SLC22A9: variants seen among roughly 807,000 people sequenced by gnomAD.
SLC22A9 encodes the protein solute carrier family 22 member 9, also known as organic anion transporter 7.
SLC22A9 carries 64 observed loss-of-function variants against 50.1 expected under a neutral mutation model. The observed-to-expected ratio is 1.28, with a 90% CI of 1.04 to 1.57. The LOEUF (loss-of-function observed/expected upper bound fraction) is 1.57, where lower values mean the gene tolerates loss of function less well. Among genes scored for constraint, SLC22A9 ranks in the 40% most tolerant of loss-of-function variants. The pLI, the probability that SLC22A9 is intolerant of heterozygous loss-of-function variation, is 0.00. For missense variants in SLC22A9, 757 were observed against 676.1 expected, an observed-to-expected ratio of 1.12 and a Z score of -1.33; for synonymous variants, 261 against 242.5, an observed-to-expected ratio of 1.08 and a Z score of -0.71.
At chr11:63,386,540 G>A (rs1174258528) in intron 6 of SLC22A9, among the ~76,000 whole-genome samples, 1 of 131,758 alleles carries the variant, frequency 7.6e-6, no homozygotes, top group African/African-American at 2.9e-5. Flanking sequence ...CTTCTTCCTG[G>A]TTCAGTCTTA....
At chr11:63,375,433 A>C (rs1195053001) in intron 4 of SLC22A9, among the ~76,000 whole-genome samples, 1 of 152,180 alleles carries the variant, frequency 6.6e-6, no homozygotes, top group Non-Finnish European at 1.5e-5. Context: ...TATGATTCCA[A>C]GTCTGCATTC....
Position 63,370,347 on chromosome 11 carries a change from G to C in SLC22A9, c.291G>C (p.Gln97His), listed in dbSNP as rs374893188. 30 of 1,613,872 alleles carry C rather than the reference G, an allele frequency of 1.9e-5. No individual in the cohort carries two copies. Among genetic ancestry groups the C allele is most frequent in the Non-Finnish European group, 2.4e-5 (28 of 1,179,896 alleles). The change falls in exon 1 of 10, where the codon CAG becomes CAC. Residue 97 changes from glutamine (Q) to histidine (H), a missense_variant. Gln to His is a conservative substitution (Grantham distance 24). Coordinates refer to ENST00000279178, the MANE Select transcript of SLC22A9 (RefSeq NM_080866.3). ...KCRRFVHPQW[Q>H]LLHLNGTFPN... is the part of the protein sequence containing the mutation. Reference sequence around the variant, plus strand: ...GTCGCTTTGTTCATCCTCAGTGGCAGCTCCTTCACCTGAATGGGACCTTCC... The same window carrying C: ...GTCGCTTTGTTCATCCTCAGTGGCACCTCCTTCACCTGAATGGGACCTTCC...
chr11:63,396,531 A>T (rs1591024631), intron 6 of SLC22A9, among the ~76,000 whole-genome samples: 2 of 152,144 alleles, frequency 1.3e-5, no homozygotes, highest in South Asian at 4.2e-4. Flanking sequence ...TTGGGCACTC[A>T]TCGTATTTGG....
intron 6 of SLC22A9, among the ~76,000 whole-genome samples, chr11:63,396,015 C>T (rs532421228): frequency 7.8e-4 from 118 of 152,252 alleles, no homozygotes; most frequent in Non-Finnish European, 1.6e-3. Context: ...CCTCACCCAG[C>T]TCCCATGCAA....
chr11:63,390,634 C>T (rs933121952), intron 6 of SLC22A9, among the ~76,000 whole-genome samples: 2 of 152,016 alleles, frequency 1.3e-5, no homozygotes, highest in African/African-American at 4.8e-5. Context: ...ATGATGTCTC[C>T]AGCTTTGTTC....
At chr11:63,395,260 G>A (rs1006754336) in intron 6 of SLC22A9, among the ~76,000 whole-genome samples, 17 of 151,884 alleles carry the variant, frequency 1.1e-4, no homozygotes, top group African/African-American at 3.6e-4. Context: ...TTTCTTCTTG[G>A]TTTGGATCCA....
intron 1 of SLC22A9, 130 bp downstream of exon 1, chr11:63,370,588 G>T (rs1298239193): frequency 4.6e-6 from 5 of 1,082,836 alleles, no homozygotes; most frequent in Non-Finnish European, 6.3e-6. Flanking sequence ...AATACTAATT[G>T]CTTCTTTATT....
chr11:63,372,427 G>C (rs2119861281), intron 2 of SLC22A9, among the ~76,000 whole-genome samples: 1 of 152,134 alleles, frequency 6.6e-6, no homozygotes, highest in Middle Eastern at 3.4e-3. Flanking sequence ...TCTGCAATAA[G>C]GTGAATTAAC....
chr11:63,409,438 T>TA (rs10570779), intron 9 of SLC22A9, among the ~76,000 whole-genome samples: 646 of 146,924 alleles, frequency 4.4e-3, no homozygotes, highest in Non-Finnish European at 5.4e-3. Context: ...TCTGATGAGC[T>TA]AAAAAAAAAA....
intron 6 of SLC22A9, among the ~76,000 whole-genome samples, chr11:63,396,625 G>T (rs1343986849): frequency 6.6e-6 from 1 of 152,190 alleles, no homozygotes; most frequent in Non-Finnish European, 1.5e-5. Flanking sequence ...TGTTTCTGCA[G>T]TCATTCTGGA....
intron 4 of SLC22A9, 110 bp downstream of exon 4, chr11:63,374,172 C>A: frequency 9.6e-7 from 1 of 1,043,296 alleles, no homozygotes; most frequent in Non-Finnish European, 1.3e-6. Flanking sequence ...GAGAGCACGT[C>A]CTCTCATAAT....
intron 6 of SLC22A9, among the ~76,000 whole-genome samples, chr11:63,397,509 C>G (rs1345424818): frequency 6.6e-6 from 1 of 152,160 alleles, no homozygotes; most frequent in Admixed American, 6.5e-5. Context: ...TAGATGCCAT[C>G]CAGCAACCAG....
chr11:63,383,639 A>G (rs1191545504), intron 6 of SLC22A9, among the ~76,000 whole-genome samples: 1 of 151,818 alleles, frequency 6.6e-6, no homozygotes, highest in Non-Finnish European at 1.5e-5. Context: ...ACAGAGAAAC[A>G]TGACTCAAAA....
intron 9 of SLC22A9, among the ~76,000 whole-genome samples, 165 bp from the exon 10 acceptor site, chr11:63,409,637 C>T (rs1305356872): frequency 6.6e-6 from 1 of 152,122 alleles, no homozygotes; most frequent in Non-Finnish European, 1.5e-5. Flanking sequence ...GGAGCTTCAT[C>T]TTTTACTTCA....
rs752675159 is a variant in SLC22A9, at chr11:63,373,804, C to G, written c.661+6C>G. On this transcript the variant is annotated splice_donor_region_variant and intron_variant, in intron 3 of 9. Transcript: ENST00000279178. ...AACAAATACTATTATGTTAAGTAAGCCAACACTTTGGATCCACATTTTCCA... is the reference window on the plus strand; with the variant it reads ...AACAAATACTATTATGTTAAGTAAGGCAACACTTTGGATCCACATTTTCCA... The G allele has an allele frequency of 6.2e-7, 1 of 1,605,968 alleles. No individual in the cohort carries two copies. The highest frequency in any genetic ancestry group is 1.3e-5 in the African/African-American group (1 of 74,598).
Position 63,410,087 on chromosome 11 carries a change from C to T in SLC22A9, c.*225C>T, listed in dbSNP as rs1011584490. The stretch of plus-strand genomic sequence containing the variant: ...AACCCTGTCTCTACTAAAACAAATA[C>T]AAAACTTCGCTGGGCACAGTGGCAC... On this transcript the variant is annotated 3_prime_UTR_variant, in exon 10 of 10. Transcript: ENST00000279178. The T allele has an allele frequency of 2.5e-5, 10 of 392,206 alleles. No homozygotes were observed. Among genetic ancestry groups the T allele is most frequent in the African/African-American group, 2.1e-4 (10 of 48,044 alleles). 24.3% of individuals were successfully genotyped at this position (392,206 alleles called of 1,614,324 possible). A position where few individuals can be genotyped will look rare whatever the true frequency, so the allele number is the denominator to read the frequency against.
At chr11:63,381,874 C>T (rs1008345197) in intron 5 of SLC22A9, among the ~76,000 whole-genome samples, 14 of 152,178 alleles carry the variant, frequency 9.2e-5, no homozygotes, top group Non-Finnish European at 2.9e-5. Flanking sequence ...ATTCGGTCCC[C>T]ATCATGGTCT....
chr11:63,396,221 A>C (rs1174151649), intron 6 of SLC22A9, among the ~76,000 whole-genome samples: 3 of 152,166 alleles, frequency 2.0e-5, no homozygotes, highest in African/African-American at 7.2e-5. Context: ...TCTGGCCAGG[A>C]GGCTTCACAT....
intron 6 of SLC22A9, among the ~76,000 whole-genome samples, chr11:63,386,434 CTTTTTTTTTTTTTTTTTTT>C (rs71065364): frequency 1.8e-4 from 6 of 33,504 alleles, no homozygotes; most frequent in South Asian, 1.4e-3. Flanking sequence ...TGGACCTGGA[CTTTTTTTTTTTTTTTTTTT>C]TTTTTTTTTT....
Sources: gnomAD v4.1 joint callset for allele counts (sites outside exome capture counted in the v4.1 genomes callset) on GRCh38, gnomAD v4.1.1 for gene constraint, MANE v1.5 for transcripts, NCBI Gene and HGNC (gene_info 2026-07-23, HGNC 2026-07-21) for gene names.